The following PARD3 variants were observed in gnomAD, a reference collection of about 807,000 sequenced individuals.
PARD3 encodes partitioning defective 3 homolog.
PARD3 carries 75 observed loss-of-function variants against 155.4 expected under a neutral mutation model. That is an observed-to-expected ratio of 0.48 (90% CI 0.40 to 0.58). The LOEUF (loss-of-function observed/expected upper bound fraction) is 0.58. Among genes scored for constraint, PARD3 ranks in the 20% least tolerant of loss-of-function variants. The pLI is 0.00. For synonymous variants in PARD3, 576 were observed against 610.5 expected (o/e 0.94, Z 0.83); for missense variants, 1,642 against 1,721.7 (o/e 0.95, Z 0.82).
chr10:34,663,400 A>C (rs1422348949), intron 2 of PARD3, among the ~76,000 whole-genome samples: 1 of 152,098 alleles, frequency 6.6e-6, no homozygotes, highest in African/African-American at 2.4e-5. Flanking sequence ...CGGGAGGCGG[A>C]GATTGCAGTG....
intron 2 of PARD3, among the ~76,000 whole-genome samples, chr10:34,604,007 T>A (rs958846122): frequency 6.6e-6 from 1 of 152,040 alleles, no homozygotes; most frequent in Non-Finnish European, 1.5e-5. Context: ...CCATCCAGTT[T>A]TCCCCCCAAA....
Position 34,111,354 on chromosome 10 carries a change from G to A in PARD3, c.3877C>T (p.Gln1293Ter). 6.2e-7 allele frequency: 1 copy of A among 1,614,022 alleles called. No individual in the cohort carries two copies. The highest frequency in any genetic ancestry group is 8.5e-7 in the Non-Finnish European group (1 of 1,179,910). The change falls in exon 25 of 25, where the codon CAG becomes TAG. Residue 1293 changes from glutamine to a stop codon, truncating the protein, a stop_gained. Coordinates refer to ENST00000374788, the MANE Select transcript of PARD3 (RefSeq NM_001184785.2). LOFTEE classifies it high-confidence loss of function. ...GAAGGAGGCTGCTTCTTCATCTGCT[G>A]CTCCTTCCGCCTCTGTTCCTGGCGA... is the stretch of plus-strand genomic sequence containing the variant. ...LLRQEQRRKEQQMKKQPPSEG... is the reference protein window; with the variant it reads ...LLRQEQRRKE
chr10:34,588,319 G>T (rs1590128588), intron 2 of PARD3, among the ~76,000 whole-genome samples: 1 of 152,172 alleles, frequency 6.6e-6, no homozygotes, highest in South Asian at 2.1e-4. Flanking sequence ...CTGAGGGCGG[G>T]CCTCTGACAG....
intron 22 of PARD3, among the ~76,000 whole-genome samples, chr10:34,265,540 T>C (rs759573593): frequency 6.6e-6 from 1 of 152,170 alleles, no homozygotes; most frequent in African/African-American, 2.4e-5. Context: ...ATTTGAATAG[T>C]AAAGGTCACT....
intron 2 of PARD3, among the ~76,000 whole-genome samples, chr10:34,556,623 C>T (rs2085019715): frequency 6.6e-6 from 1 of 152,072 alleles, no homozygotes; most frequent in Admixed American, 6.5e-5. Flanking sequence ...ACCTCGTGAT[C>T]CGCCCGCCTC....
At chr10:34,751,552 T>C (rs551931124) in intron 1 of PARD3, among the ~76,000 whole-genome samples, 1 of 152,302 alleles carries the variant, frequency 6.6e-6, no homozygotes, top group South Asian at 2.1e-4. Flanking sequence ...GCCCTGGGTC[T>C]GGGGGTAGTG....
chr10:34,521,698 A>G (rs1043832476), intron 2 of PARD3, among the ~76,000 whole-genome samples: 1 of 152,228 alleles, frequency 6.6e-6, no homozygotes, highest in African/African-American at 2.4e-5. Flanking sequence ...CTACCTCAGG[A>G]CAAGTCACTT....
At chr10:34,309,934 T>C (rs1426192057) in intron 20 of PARD3, among the ~76,000 whole-genome samples, 1 of 147,028 alleles carries the variant, frequency 6.8e-6, no homozygotes, top group Non-Finnish European at 1.5e-5. Flanking sequence ...GAGAGGTTAA[T>C]AGGAGACCTG....
chr10:34,320,723 T>A lies in PARD3; in HGVS notation c.2834-3385A>T, dbSNP rs186011637. Among the ~76,000 whole-genome samples the A allele has an allele frequency of 3.9e-5, 6 of 152,362 alleles. No individual in the cohort carries two copies. In the East Asian group the frequency reaches 1.2e-3, roughly 29 times the overall value. ...ATGAAATCAATTATTAGCTTCAGGT[T>A]TTGTAACCTCATTTTATAAAATTAA... On this transcript the variant is annotated intron_variant, in intron 19 of 24. Transcript: ENST00000374788.
chr10:34,675,899 T>C (rs1269045599), intron 2 of PARD3: 1 of 191,646 alleles, frequency 5.2e-6, no homozygotes, highest in African/African-American at 2.3e-5. Flanking sequence ...CACACAAAGA[T>C]GGGCTTGGTA....
intron 2 of PARD3, among the ~76,000 whole-genome samples, chr10:34,662,298 T>C (rs1453686015): frequency 2.6e-5 from 4 of 152,180 alleles, no homozygotes; most frequent in African/African-American, 9.7e-5. Context: ...CCTCATACAC[T>C]GTTGGTAGGA....
chr10:34,470,169 T>C lies in PARD3; in HGVS notation c.498A>G (p.Ser166=), dbSNP rs138669343. 9 of 1,613,434 alleles carry C rather than the reference T, an allele frequency of 5.6e-6. No homozygotes were observed. Among genetic ancestry groups the C allele is most frequent in the Non-Finnish European group, 7.6e-6 (9 of 1,179,696 alleles). Residue 166 remains serine, a synonymous_variant, in exon 4 of 25, where the codon TCA becomes TCG. Transcript: ENST00000374788. ...SDSNFSSEEP[S]RKNPTRWSTT... The stretch of plus-strand genomic sequence containing the variant: ...TTGACCAGCGTGTGGGATTTTTCCT[T>C]GAAGGCTCTTCAGAGGAAAAATTAC...
intron 20 of PARD3, among the ~76,000 whole-genome samples, chr10:34,305,878 CA>C (rs1321530070): frequency 6.6e-6 from 1 of 152,146 alleles, no homozygotes; most frequent in African/African-American, 2.4e-5. Flanking sequence ...CCCAGCTACT[CA>C]GGAGACTGAG....
At chr10:34,155,347 T>C (rs1339727927) in intron 22 of PARD3, among the ~76,000 whole-genome samples, 4 of 152,052 alleles carry the variant, frequency 2.6e-5, no homozygotes, top group Non-Finnish European at 5.9e-5. Context: ...AGCAAAGACA[T>C]AAAAAGTCTT....
chr10:34,725,046 G>GT (rs2094677056), intron 1 of PARD3, among the ~76,000 whole-genome samples: 1 of 151,922 alleles, frequency 6.6e-6, no homozygotes. Context: ...TCTGAGAAAT[G>GT]TGAGTAACAA....
intron 5 of PARD3, among the ~76,000 whole-genome samples, chr10:34,432,440 A>G (rs1296479058): frequency 1.3e-5 from 2 of 151,866 alleles, no homozygotes; most frequent in African/African-American, 4.8e-5. Flanking sequence ...TAGAGAGAAG[A>G]TAATAAGAGA....
intron 23 of PARD3, among the ~76,000 whole-genome samples, chr10:34,127,543 C>T (rs1301560707): frequency 6.6e-6 from 1 of 152,200 alleles, no homozygotes; most frequent in East Asian, 1.9e-4. Flanking sequence ...TTCTCCCATA[C>T]CAACCACAAT....
intron 1 of PARD3, among the ~76,000 whole-genome samples, chr10:34,809,680 C>T (rs1843855111): frequency 6.6e-6 from 1 of 152,202 alleles, no homozygotes; most frequent in Non-Finnish European, 1.5e-5. Context: ...ACAGGCTGTG[C>T]TCAGAAGGCA....
intron 2 of PARD3, among the ~76,000 whole-genome samples, chr10:34,606,080 A>G (rs1289032479): frequency 2.0e-5 from 3 of 146,832 alleles, no homozygotes; most frequent in Non-Finnish European, 4.5e-5. Context: ...TCCCCTTTAT[A>G]TAGATATATC....
Sources: allele counts gnomAD v4.1 joint callset (sites outside exome capture counted in the v4.1 genomes callset), GRCh38; gene constraint gnomAD v4.1.1; transcripts MANE v1.5; gene names NCBI Gene and HGNC (gene_info 2026-07-23, HGNC 2026-07-21).